The following ZNF521 variants were observed in gnomAD, a reference collection of about 807,000 sequenced individuals.
ZNF521 encodes the protein zinc finger protein 521, also known as LYST-interacting protein 3.
Under a neutral mutation model 105.5 loss-of-function variants are expected in ZNF521, and 14 were observed. The observed-to-expected ratio is 0.13, with a 90% CI of 0.09 to 0.21. ZNF521 has a LOEUF of 0.21. ZNF521 is among the 10% of genes least tolerant of loss of function. The pLI, the probability that ZNF521 is intolerant of heterozygous loss-of-function variation, is 1.00. For synonymous variants in ZNF521, 635 were observed against 606.0 expected (o/e 1.05, Z -0.70); for missense variants, 1,233 against 1,629.7 (o/e 0.76, Z 4.19).
intron 6 of ZNF521, among the ~76,000 whole-genome samples, chr18:25,090,244 T>C (rs1442040214): frequency 6.6e-6 from 1 of 152,140 alleles, no homozygotes; most frequent in Non-Finnish European, 1.5e-5. Flanking sequence ...AGAGGCAGTG[T>C]TTGGGTTGGC....
At chr18:25,123,758 A>C (rs1048839942) in intron 5 of ZNF521, among the ~76,000 whole-genome samples, 1 of 152,236 alleles carries the variant, frequency 6.6e-6, no homozygotes, top group Admixed American at 6.5e-5. Context: ...TTTCTATAAG[A>C]AACATGAATT....
At chr18:25,152,800 G>T (rs1600097136) in intron 5 of ZNF521, among the ~76,000 whole-genome samples, 1 of 151,870 alleles carries the variant, frequency 6.6e-6, no homozygotes, top group Non-Finnish European at 1.5e-5. Flanking sequence ...CTTTTTTTCT[G>T]CTCTTCCGTG....
chr18:25,301,603 C>T (rs998808006), intron 3 of ZNF521, among the ~76,000 whole-genome samples: 5 of 152,186 alleles, frequency 3.3e-5, no homozygotes, highest in Non-Finnish European at 5.9e-5. Flanking sequence ...ATGACCTGTC[C>T]ATCAGAGGAA....
chr18:25,305,365 A>C (rs1157844030), intron 3 of ZNF521, among the ~76,000 whole-genome samples: 2 of 152,240 alleles, frequency 1.3e-5, no homozygotes, highest in Non-Finnish European at 2.9e-5. Flanking sequence ...TGTGTTACTA[A>C]ATAAATAAGC....
chr18:25,297,924 T>C (rs558512531), intron 3 of ZNF521, among the ~76,000 whole-genome samples: 1 of 152,264 alleles, frequency 6.6e-6, no homozygotes, highest in Non-Finnish European at 1.5e-5. Context: ...TTTGATTGAG[T>C]TATTAATAGA....
intron 7 of ZNF521, among the ~76,000 whole-genome samples, chr18:25,064,883 T>C (rs2033012335): frequency 6.6e-6 from 1 of 152,192 alleles, no homozygotes; most frequent in Non-Finnish European, 1.5e-5. Context: ...AAACATATCT[T>C]AATAGTCCCA....
At chr18:25,114,490 A>G (rs113636688) in intron 5 of ZNF521, among the ~76,000 whole-genome samples, 292 of 152,324 alleles carry the variant, frequency 1.9e-3, no homozygotes, top group African/African-American at 6.7e-3. Context: ...TAATATACAA[A>G]GACTAACTGA....
intron 3 of ZNF521, among the ~76,000 whole-genome samples, chr18:25,311,867 TATTC>T (rs35772925): frequency 0.017 from 2,580 of 152,310 alleles, 77 homozygotes; most frequent in African/African-American, 0.059. Flanking sequence ...TCTTGAATTC[TATTC>T]ATTTCAAAAG....
intron 6 of ZNF521, among the ~76,000 whole-genome samples, chr18:25,091,701 A>C (rs1311057181): frequency 6.6e-6 from 1 of 152,172 alleles, no homozygotes; most frequent in Admixed American, 6.5e-5. Flanking sequence ...TTCCAAATGG[A>C]AAAGTGCAAA....
chr18:25,126,786 CAAAATT>C (rs1171406565), intron 5 of ZNF521, among the ~76,000 whole-genome samples: 1 of 151,934 alleles, frequency 6.6e-6, no homozygotes, highest in Non-Finnish European at 1.5e-5. Flanking sequence ...GAATGTAACA[CAAAATT>C]AAAAATTAAA....
intron 4 of ZNF521, among the ~76,000 whole-genome samples, chr18:25,223,693 A>G (rs1422352159): frequency 6.6e-6 from 1 of 150,644 alleles, no homozygotes; most frequent in African/African-American, 2.4e-5. Context: ...ACTAAGGAGA[A>G]AAAAAAAAAC....
chr18:25,143,980 T>C lies in ZNF521; in HGVS notation c.3658+51180A>G, dbSNP rs1486963993. On this transcript the variant is annotated intron_variant, in intron 5 of 7. Coordinates refer to ENST00000361524, the MANE Select transcript of ZNF521 (RefSeq NM_015461.3). ...GTTTCAGTATCCCTTGTTAGTGCCA[T>C]AGACCTCTCTGTCTCTCTTGTTTTT... Among the ~76,000 whole-genome samples the C allele has an allele frequency of 4.6e-5, 7 of 152,210 alleles. No individual in the cohort carries two copies. The South Asian group carries it at 6.2e-4, about 13-fold the overall frequency.
chr18:25,215,058 G>C (rs2036257207), intron 4 of ZNF521, among the ~76,000 whole-genome samples: 1 of 152,064 alleles, frequency 6.6e-6, no homozygotes. Flanking sequence ...ATGTGAAAAG[G>C]GAAGCTGAAA....
At chr18:25,341,410 A>T (rs1246572928) in intron 2 of ZNF521, among the ~76,000 whole-genome samples, 5 of 152,218 alleles carry the variant, frequency 3.3e-5, no homozygotes, top group African/African-American at 1.2e-4. Context: ...ACTTTAAAGG[A>T]TGCCTTAAAT....
intron 5 of ZNF521, among the ~76,000 whole-genome samples, chr18:25,144,849 G>T (rs374884764): frequency 2.0e-5 from 3 of 152,146 alleles, no homozygotes; most frequent in African/African-American, 4.8e-5. Context: ...AAAGGCTAAA[G>T]ATCTATTGTC....
At chr18:25,318,606 T>C (rs1912767347) in intron 3 of ZNF521, among the ~76,000 whole-genome samples, 1 of 152,056 alleles carries the variant, frequency 6.6e-6, no homozygotes, top group Non-Finnish European at 1.5e-5. Context: ...TTAATAAGGA[T>C]AATGGAAGCC....
At chr18:25,293,351 TACACACACACACAC>T (rs55818021) in intron 3 of ZNF521, among the ~76,000 whole-genome samples, 2 of 143,126 alleles carry the variant, frequency 1.4e-5, no homozygotes, top group Admixed American at 7.0e-5. Context: ...CATGTACACA[TACACACACACACAC>T]ACACACACAC....
chr18:25,223,463 A>AGGATCTCCCTGGGGTTTTCATTTGGAT (rs1242186684), intron 4 of ZNF521, among the ~76,000 whole-genome samples: 96 of 152,314 alleles, frequency 6.3e-4, no homozygotes, highest in African/African-American at 2.2e-3. Flanking sequence ...TGAAGGGAGA[A>AGGATCTCCCTGGGGTTTTCATTTGGAT]GGATCTCCCT....
chr18:25,332,495 G>A (rs994482989), intron 2 of ZNF521, among the ~76,000 whole-genome samples: 18 of 151,990 alleles, frequency 1.2e-4, no homozygotes, highest in Non-Finnish European at 1.6e-4. Flanking sequence ...CCTAAATGTC[G>A]AAGGTTCCTT....
Sources: gnomAD v4.1 joint callset for allele counts (sites outside exome capture counted in the v4.1 genomes callset) on GRCh38, gnomAD v4.1.1 for gene constraint, MANE v1.5 for transcripts, NCBI Gene and HGNC (gene_info 2026-07-23, HGNC 2026-07-21) for gene names.